The following RANBP2 variants were observed in gnomAD, a reference collection of about 807,000 sequenced individuals.
RANBP2 encodes the protein RAN binding protein 2, also known as E3 SUMO-protein ligase RanBP2.
A neutral mutation model predicts 303.6 loss-of-function variants in RANBP2; 57 were observed. That is an observed-to-expected ratio of 0.19 (90% confidence interval 0.15 to 0.23). The LOEUF (loss-of-function observed/expected upper bound fraction) is 0.23. Among genes scored for constraint, RANBP2 ranks in the 10% least tolerant of loss-of-function variants. RANBP2 has a pLI of 1.00. For synonymous variants in RANBP2, 1,167 were observed against 1,301.5 expected, an observed-to-expected ratio of 0.90 and a Z score of 2.23; for missense variants, 3,138 against 3,780.8, an observed-to-expected ratio of 0.83 and a Z score of 4.46.
chr2:109,382,832 C>A, the RANBP2 span, among the ~76,000 whole-genome samples: 2 of 152,238 alleles, frequency 1.3e-5, no homozygotes, highest in Admixed American at 6.5e-5. Flanking sequence ...ATTCCTAGTG[C>A]AGAGACATTT....
chr2:109,662,879 T>C, the RANBP2 span, among the ~76,000 whole-genome samples: 1 of 152,198 alleles, frequency 6.6e-6, no homozygotes, highest in Non-Finnish European at 1.5e-5. Flanking sequence ...GGCTTCCTAA[T>C]GATCCCCTGG....
the RANBP2 span, among the ~76,000 whole-genome samples, chr2:109,111,888 T>C: frequency 9.2e-5 from 14 of 151,710 alleles, no homozygotes; most frequent in Non-Finnish European, 1.8e-4. Context: ...CGGTGTTTGT[T>C]TTTTTGTCCT....
At chr2:108,867,305 C>T in the RANBP2 span, among the ~76,000 whole-genome samples, 1 of 152,118 alleles carries the variant, frequency 6.6e-6, no homozygotes, top group Admixed American at 6.5e-5. Context: ...TGAGAGATTC[C>T]AGAGTGGGAA....
At chr2:108,790,266 ATAAT>A (rs1021661275), downstream of RANBP2, among the ~76,000 whole-genome samples, 2 of 152,210 alleles carry the variant, frequency 1.3e-5, no homozygotes, top group African/African-American at 2.4e-5. Flanking sequence ...TTTTAAGGTA[ATAAT>A]TATAAATTTA....
chr2:108,864,793 C>CATTAAAAAA, the RANBP2 span, among the ~76,000 whole-genome samples: 1 of 125,062 alleles, frequency 8.0e-6, no homozygotes, highest in African/African-American at 3.1e-5. Flanking sequence ...GACTCCATCT[C>CATTAAAAAA]AAAAAAAAAA....
the RANBP2 span, among the ~76,000 whole-genome samples, chr2:108,944,789 T>A: frequency 6.6e-6 from 1 of 151,538 alleles, no homozygotes; most frequent in Non-Finnish European, 1.5e-5. Flanking sequence ...GGTCACAGAG[T>A]CAAGGGAGAA....
At chr2:108,871,500 C>T in the RANBP2 span, among the ~76,000 whole-genome samples, 4 of 151,774 alleles carry the variant, frequency 2.6e-5, no homozygotes, top group East Asian at 1.9e-4. Context: ...TTCAGTGAGC[C>T]GAGATCATGC....
chr2:109,609,973 A>G, the RANBP2 span, among the ~76,000 whole-genome samples: 11 of 152,184 alleles, frequency 7.2e-5, no homozygotes, highest in African/African-American at 2.7e-4. Context: ...CCTGAATCAT[A>G]AAATGATGCA....
chr2:109,682,024 T>C, the RANBP2 span, among the ~76,000 whole-genome samples: 1 of 152,212 alleles, frequency 6.6e-6, no homozygotes, highest in Non-Finnish European at 1.5e-5. Flanking sequence ...TGGTCTGAGG[T>C]GGGGTCCAGG....
At chr2:109,105,922 C>T in the RANBP2 span, among the ~76,000 whole-genome samples, 2 of 149,452 alleles carry the variant, frequency 1.3e-5, no homozygotes, top group South Asian at 2.1e-4. Flanking sequence ...GGCACAGTCT[C>T]GGCTCACTGC....
chr2:109,405,058 C>A, the RANBP2 span, among the ~76,000 whole-genome samples: 1 of 148,504 alleles, frequency 6.7e-6, no homozygotes, highest in African/African-American at 2.5e-5. Context: ...TACACAAATA[C>A]CCCCCACCTT....
chr2:109,190,176 T>A, the RANBP2 span, among the ~76,000 whole-genome samples: 1 of 152,042 alleles, frequency 6.6e-6, no homozygotes, highest in East Asian at 1.9e-4. Flanking sequence ...CTTGACATCC[T>A]ATTTTTTTTT....
chr2:109,140,671 A>G, the RANBP2 span, among the ~76,000 whole-genome samples: 1 of 152,166 alleles, frequency 6.6e-6, no homozygotes, highest in South Asian at 2.1e-4. Flanking sequence ...GTGAGCCACC[A>G]TGCCCGGCCA....
At chr2:108,923,570 G>A in the RANBP2 span, 2 of 861,602 alleles carry the variant, frequency 2.3e-6, no homozygotes, top group African/African-American at 3.3e-5. Context: ...CGGGCATGAG[G>A]CCACGCCCAC....
the RANBP2 span, among the ~76,000 whole-genome samples, chr2:109,586,711 C>T: frequency 6.6e-6 from 1 of 152,182 alleles, no homozygotes; most frequent in Non-Finnish European, 1.5e-5. Flanking sequence ...ATGGACAGAG[C>T]TTAAATTTTA....
At chr2:109,414,192 C>T in the RANBP2 span, among the ~76,000 whole-genome samples, 7 of 152,182 alleles carry the variant, frequency 4.6e-5, no homozygotes, top group Non-Finnish European at 5.9e-5. Context: ...GCCACTGCAC[C>T]GTCTACCCTG....
At chr2:109,406,975 G>A in the RANBP2 span, among the ~76,000 whole-genome samples, 67 of 152,354 alleles carry the variant, frequency 4.4e-4, no homozygotes, top group Admixed American at 1.0e-3. Flanking sequence ...GAGCACAGAA[G>A]TTGGGAAGCT....
At chr2:108,848,447 G>C in the RANBP2 span, among the ~76,000 whole-genome samples, 1 of 152,100 alleles carries the variant, frequency 6.6e-6, no homozygotes, top group Non-Finnish European at 1.5e-5. Context: ...ATATAACAGG[G>C]CATAAGAATA....
chr2:109,681,650 A>C, the RANBP2 span, among the ~76,000 whole-genome samples: 1 of 152,242 alleles, frequency 6.6e-6, no homozygotes. Context: ...GAGAAGCATA[A>C]GGGGGAGGCA....
Sources: allele counts gnomAD v4.1 joint callset (sites outside exome capture counted in the v4.1 genomes callset), GRCh38; gene constraint gnomAD v4.1.1; transcripts MANE v1.5; gene names NCBI Gene and HGNC (gene_info 2026-07-23, HGNC 2026-07-21).